NRCAM: variants seen among roughly 807,000 people sequenced by gnomAD.
NRCAM encodes the protein neuronal cell adhesion molecule.
Under a neutral mutation model 156.5 loss-of-function variants are expected in NRCAM, and 83 were observed. The observed-to-expected ratio is 0.53, with a 90% CI of 0.44 to 0.64. The LOEUF is 0.64. Ranked by LOEUF, NRCAM falls within the 30% of genes least tolerant of loss-of-function variation. NRCAM has a pLI of 0.00. For missense variants in NRCAM, 1,417 were observed against 1,597.3 expected (o/e 0.89, Z 1.92); for synonymous variants, 538 against 563.9 (o/e 0.95, Z 0.65).
intron 1 of NRCAM, among the ~76,000 whole-genome samples, chr7:108,435,011 A>G (rs1159909043): frequency 2.1e-5 from 3 of 140,422 alleles, no homozygotes; most frequent in African/African-American, 8.1e-5. Flanking sequence ...AAAGAAAAAG[A>G]AAGTGTGACT....
At chr7:108,327,085 A>G (rs2099077104) in intron 2 of NRCAM, among the ~76,000 whole-genome samples, 1 of 152,176 alleles carries the variant, frequency 6.6e-6, no homozygotes, top group South Asian at 2.1e-4. Flanking sequence ...CCTTCCTATT[A>G]AGAGGCTTAG....
At position 108,166,783 on chromosome 7, in the gene NRCAM, C is replaced by T. The variant is rs12669707; in HGVS notation, c.3466+138G>A. 1.7e-5 allele frequency: 11 copies of T among 633,076 alleles called. No homozygotes were observed. In the East Asian group the frequency reaches 2.6e-4, roughly 15 times the overall value. 39.2% of individuals were successfully genotyped at this position (633,076 alleles called of 1,614,324 possible). ...AGAACCAAAGACAAAAACCAAAACT[C>T]CCAACCCAACAGGGCCCCATAGAAA... On this transcript the variant is annotated intron_variant, in intron 30 of 32. Coordinates refer to ENST00000379028, the MANE Select transcript of NRCAM (RefSeq NM_001037132.4).
intron 8 of NRCAM, 60 bp downstream of exon 8, chr7:108,230,971 T>A: frequency 7.4e-7 from 1 of 1,344,522 alleles, no homozygotes; most frequent in Non-Finnish European, 1.1e-6. Flanking sequence ...AATAATGTAT[T>A]ATGACTGTAA....
intron 2 of NRCAM, among the ~76,000 whole-genome samples, chr7:108,358,668 C>T (rs191985065): frequency 5.3e-5 from 8 of 152,288 alleles, no homozygotes; most frequent in African/African-American, 1.4e-4. Flanking sequence ...TAACTGCTGG[C>T]GCTCTGCTGC....
At chr7:108,177,606 G>C (rs915900717) in intron 26 of NRCAM, among the ~76,000 whole-genome samples, 2 of 149,712 alleles carry the variant, frequency 1.3e-5, no homozygotes, top group African/African-American at 2.5e-5. Context: ...CTGGGTGACA[G>C]AGCGAGACTC....
chr7:108,195,840 T>C lies in NRCAM; in HGVS notation c.1384A>G (p.Thr462Ala), dbSNP rs760544200. 2 of 1,613,540 alleles carry C rather than the reference T, an allele frequency of 1.2e-6. No homozygotes were observed. The highest frequency in any genetic ancestry group is 2.2e-5 in the South Asian group (2 of 91,036). ...CTGTTTGCAATGACCTGGTAGAGTG[T>C]GTTTGCAGGTGTGAGGATTCGTGGT... ...EPPRILTPAN[T>A]LYQVIANRPA... is the part of the protein sequence containing the mutation. The change falls in exon 15 of 33, where the codon ACA (threonine) becomes GCA (alanine). Residue 462 changes from threonine (T) to alanine (A), a missense_variant. Thr to Ala is a moderately conservative substitution (Grantham distance 58). Transcript: ENST00000379028.
At chr7:108,412,585 T>C (rs998052959) in intron 1 of NRCAM, among the ~76,000 whole-genome samples, 1 of 152,184 alleles carries the variant, frequency 6.6e-6, no homozygotes, top group Non-Finnish European at 1.5e-5. Flanking sequence ...CTTAGCACTT[T>C]TCAAGAATAC....
At chr7:108,339,673 T>C (rs60057893) in intron 2 of NRCAM, among the ~76,000 whole-genome samples, 5,568 of 152,092 alleles carry the variant, frequency 0.037, 363 homozygotes, top group African/African-American at 0.13. Context: ...ACTAATCCAA[T>C]AAGCAGAGGT....
chr7:108,451,180 T>C (rs1326564489), intron 1 of NRCAM, among the ~76,000 whole-genome samples: 1 of 150,748 alleles, frequency 6.6e-6, no homozygotes, highest in African/African-American at 2.4e-5. Flanking sequence ...GACTGCAGCA[T>C]TGCACTCCAG....
At chr7:108,397,253 A>T (rs898067567) in intron 2 of NRCAM, among the ~76,000 whole-genome samples, 1 of 152,208 alleles carries the variant, frequency 6.6e-6, no homozygotes, top group Admixed American at 6.5e-5. Flanking sequence ...GTGGACCTTT[A>T]AAGTTCCTGA....
At chr7:108,348,905 G>GAA (rs60746037) in intron 2 of NRCAM, among the ~76,000 whole-genome samples, 18 of 126,346 alleles carry the variant, frequency 1.4e-4, no homozygotes, top group African/African-American at 3.3e-4. Context: ...TCCATCTCAG[G>GAA]AAAAAAAAAA....
chr7:108,226,554 A>G (rs529204800), intron 8 of NRCAM, among the ~76,000 whole-genome samples, 176 bp from the exon 9 acceptor site: 1 of 151,648 alleles, frequency 6.6e-6, no homozygotes, highest in Non-Finnish European at 1.5e-5. Flanking sequence ...AAAATACGTA[A>G]CACACTAAAA....
chr7:108,297,747 A>G (rs577090137), intron 3 of NRCAM, among the ~76,000 whole-genome samples: 37 of 152,350 alleles, frequency 2.4e-4, no homozygotes, highest in African/African-American at 8.4e-4. Context: ...AATAAAACAA[A>G]GGAAGGGGTA....
At position 108,209,624 on chromosome 7, in the gene NRCAM, A is replaced by C; in HGVS notation, c.891-19T>G. The C allele has an allele frequency of 6.5e-7, 1 of 1,547,082 alleles. No homozygotes were observed. Among genetic ancestry groups the C allele is most frequent in the Non-Finnish European group, 8.7e-7 (1 of 1,152,178 alleles). On this transcript the variant is annotated intron_variant, in intron 11 of 32. Transcript: ENST00000379028. The stretch of plus-strand genomic sequence containing the variant: ...GGTAGGCCTGATAGGATAAATAAAT[A>C]ATGATGTTACAAAAAAGGAATCCAC...
chr7:108,266,258 C>G lies in NRCAM; in HGVS notation c.-106-26088G>C, dbSNP rs187248756. On this transcript the variant is annotated intron_variant, in intron 3 of 32. Transcript: ENST00000379028. ...TCTATTCAGGTTGGCATGGCCTCAA[C>G]CATTTTGAGTCAAATTTCTGTCTAG... Among the ~76,000 whole-genome samples, 195 of 152,258 alleles carry G rather than the reference C, an allele frequency of 1.3e-3. 1 individual carries two copies. Among genetic ancestry groups the G allele is most frequent in the African/African-American group, 4.5e-3 (186 of 41,560 alleles).
intron 1 of NRCAM, among the ~76,000 whole-genome samples, chr7:108,444,309 T>A (rs994910824): frequency 6.6e-6 from 1 of 152,028 alleles, no homozygotes; most frequent in Non-Finnish European, 1.5e-5. Context: ...CTTCCTTGGA[T>A]ACTGAGGGAT....
intron 27 of NRCAM, among the ~76,000 whole-genome samples, chr7:108,176,059 G>T (rs544283864): frequency 6.6e-6 from 1 of 152,198 alleles, no homozygotes; most frequent in Admixed American, 6.5e-5. Flanking sequence ...GTATGTCTGT[G>T]TATGCATATG....
chr7:108,295,695 T>C (rs2154133577), intron 3 of NRCAM, among the ~76,000 whole-genome samples: 1 of 152,392 alleles, frequency 6.6e-6, no homozygotes, highest in African/African-American at 2.4e-5. Flanking sequence ...TTTCTTGTTA[T>C]TGGCAAAGCC....
chr7:108,307,063 T>C (rs1467859449), intron 3 of NRCAM, among the ~76,000 whole-genome samples: 4 of 152,184 alleles, frequency 2.6e-5, no homozygotes, highest in Admixed American at 6.5e-5. Flanking sequence ...GAGTCCCAAC[T>C]AGATTATAAT....
Sources: allele counts gnomAD v4.1 joint callset (sites outside exome capture counted in the v4.1 genomes callset), GRCh38; gene constraint gnomAD v4.1.1; transcripts MANE v1.5; gene names NCBI Gene and HGNC (gene_info 2026-07-23, HGNC 2026-07-21).